The following GFOD2 variants were observed in gnomAD, a reference collection of about 807,000 sequenced individuals.
The protein encoded by GFOD2 is glucose-fructose oxidoreductase domain-containing protein 2.
Under a neutral mutation model 24.6 loss-of-function variants are expected in GFOD2, and 9 were observed. That is an observed-to-expected ratio of 0.37 (90% CI 0.22 to 0.64). GFOD2 has a LOEUF of 0.64. Among genes scored for constraint, GFOD2 ranks in the 30% least tolerant of loss-of-function variants. GFOD2 has a pLI of 0.65. For synonymous variants in GFOD2, 211 were observed against 224.8 expected (o/e 0.94, Z 0.55); for missense variants, 476 against 532.5 (o/e 0.89, Z 1.04).
At chr16:67,696,168 C>T (rs1406324269) in intron 1 of GFOD2, among the ~76,000 whole-genome samples, 1 of 152,018 alleles carries the variant, frequency 6.6e-6, no homozygotes, top group Non-Finnish European at 1.5e-5. Flanking sequence ...AGCCCGCCAC[C>T]ATGCCTGGCT....
chr16:67,714,666 A>G (rs1466563419), intron 1 of GFOD2, among the ~76,000 whole-genome samples: 1 of 152,160 alleles, frequency 6.6e-6, no homozygotes, highest in Non-Finnish European at 1.5e-5. Flanking sequence ...TGAGAAATTG[A>G]GAGCTGACAA....
chr16:67,689,778 C>A (rs2053297496), intron 1 of GFOD2, among the ~76,000 whole-genome samples: 1 of 152,090 alleles, frequency 6.6e-6, no homozygotes. Flanking sequence ...TTTCACCTTG[C>A]AAAACTAAAA....
chr16:67,693,056 A>C (rs1432533986), intron 1 of GFOD2, among the ~76,000 whole-genome samples: 1 of 151,984 alleles, frequency 6.6e-6, no homozygotes, highest in South Asian at 2.1e-4. Context: ...AAAAAAGGAA[A>C]ATGTGGTTCT....
At chr16:67,692,311 G>GTGGCTCA (rs57994244) in intron 1 of GFOD2, among the ~76,000 whole-genome samples, 21,294 of 151,870 alleles carry the variant, frequency 0.14, 1,728 homozygotes, top group African/African-American at 0.22. Flanking sequence ...GCTGAGTGCG[G>GTGGCTCA]TGGCTCACGC....
chr16:67,674,550 T>C lies in GFOD2; in HGVS notation c.*605A>G, dbSNP rs2053168578. 2.0e-5 allele frequency: 3 copies of C among 152,490 alleles called. No individual in the cohort carries two copies. Among genetic ancestry groups the C allele is most frequent in the African/African-American group, 7.2e-5 (3 of 41,590 alleles). 9.4% of individuals were successfully genotyped at this position (152,490 alleles called of 1,614,324 possible). A position where few individuals can be genotyped will look rare whatever the true frequency, so the allele number is the denominator to read the frequency against. On this transcript the variant is annotated 3_prime_UTR_variant, in exon 3 of 3. Transcript: ENST00000268797. ...ATGCCATGTCCTATTTTCTGAATTA[T>C]TTATTAACATTTCTCAGATGTTCTA... is the stretch of plus-strand genomic sequence containing the variant.
chr16:67,682,964 T>C (rs1205761146), intron 2 of GFOD2: 1 of 426,572 alleles, frequency 2.3e-6, no homozygotes, highest in East Asian at 1.6e-4. Context: ...AGAATTTAGA[T>C]TTCTTTTTGT....
chr16:67,713,423 G>A (rs986542738), intron 1 of GFOD2, among the ~76,000 whole-genome samples: 1 of 152,150 alleles, frequency 6.6e-6, no homozygotes, highest in Middle Eastern at 3.4e-3. Context: ...CTGGAGAATC[G>A]CATCAGATCC....
intron 1 of GFOD2, among the ~76,000 whole-genome samples, chr16:67,711,886 G>A (rs1205897826): frequency 6.6e-6 from 1 of 152,046 alleles, no homozygotes; most frequent in Non-Finnish European, 1.5e-5. Context: ...AGACATCCAC[G>A]TGGCTTTCTC....
intron 1 of GFOD2, among the ~76,000 whole-genome samples, chr16:67,702,302 T>C (rs555724486): frequency 1.3e-5 from 2 of 152,070 alleles, no homozygotes; most frequent in South Asian, 4.2e-4. Context: ...TGTGAAACAC[T>C]GTCTCTGCTA....
intron 2 of GFOD2, among the ~76,000 whole-genome samples, chr16:67,679,886 C>CA (rs796132935): frequency 3.1e-3 from 379 of 120,926 alleles, no homozygotes; most frequent in East Asian, 4.8e-3. Context: ...GACTTCGTCT[C>CA]AAAAAAAAAA....
At chr16:67,700,976 G>A (rs1413872713) in intron 1 of GFOD2, among the ~76,000 whole-genome samples, 1 of 149,156 alleles carries the variant, frequency 6.7e-6, no homozygotes, top group African/African-American at 2.5e-5. Context: ...GGCGGAGGTT[G>A]TAGTGAGCCG....
intron 1 of GFOD2, among the ~76,000 whole-genome samples, chr16:67,693,160 C>G (rs921908668): frequency 6.6e-6 from 1 of 152,110 alleles, no homozygotes; most frequent in African/African-American, 2.4e-5. Context: ...AATGGGACAC[C>G]ATCACAAGCT....
At chr16:67,694,661 A>C (rs1200082456) in intron 1 of GFOD2, among the ~76,000 whole-genome samples, 2 of 152,122 alleles carry the variant, frequency 1.3e-5, no homozygotes, top group Non-Finnish European at 2.9e-5. Flanking sequence ...TGTAGACACA[A>C]GTGTACTGGA....
At chr16:67,698,977 TAACTG>T (rs528008872) in intron 1 of GFOD2, among the ~76,000 whole-genome samples, 486 of 152,250 alleles carry the variant, frequency 3.2e-3, no homozygotes, top group African/African-American at 9.6e-3. Context: ...ATAAAATAAA[TAACTG>T]AACTATAGAC....
In GFOD2 at chr16:67,676,052, A is replaced by G. The variant is rs140363708; in HGVS notation, c.261T>C (p.Gly87=). Residue 87 remains glycine, a splice_region_variant and synonymous_variant, in exon 3 of 3, where the codon GGT becomes GGC. Coordinates refer to ENST00000268797, the MANE Select transcript of GFOD2 (RefSeq NM_030819.4). The part of the protein sequence containing the change: ...LTRQISVKAL[G]IGKNVVCEKA... ...TCTCGCAAACCACATTCTTCCCAAT[A>G]CCTAACAACAGGACACAACAGGAAA... 4,090 of 1,600,238 alleles carry G rather than the reference A, an allele frequency of 2.6e-3. 161 individuals are homozygous for G. In the Admixed American group the frequency reaches 0.062, roughly 24 times the overall value.
chr16:67,707,696 ATTT>A (rs1021105149), intron 1 of GFOD2, among the ~76,000 whole-genome samples: 1 of 152,050 alleles, frequency 6.6e-6, no homozygotes, highest in Non-Finnish European at 1.5e-5. Context: ...CTATTAATGA[ATTT>A]TTTTCTTTTT....
intron 1 of GFOD2, among the ~76,000 whole-genome samples, chr16:67,702,039 T>A (rs954234968): frequency 2.6e-5 from 4 of 152,096 alleles, no homozygotes; most frequent in African/African-American, 9.7e-5. Context: ...AGAAATCCAA[T>A]CTGGTAATTG....
At chr16:67,692,099 C>G (rs2053318323) in intron 1 of GFOD2, among the ~76,000 whole-genome samples, 2 of 151,830 alleles carry the variant, frequency 1.3e-5, no homozygotes, top group South Asian at 4.2e-4. Context: ...CACATCATGT[C>G]TGAGGTGCAG....
chr16:67,696,090 T>C (rs2142995661), intron 1 of GFOD2, among the ~76,000 whole-genome samples: 1 of 151,844 alleles, frequency 6.6e-6, no homozygotes, highest in East Asian at 1.9e-4. Context: ...CTCGGCTCAC[T>C]GCAACCTCCA....
Sources: allele counts gnomAD v4.1 joint callset (sites outside exome capture counted in the v4.1 genomes callset), GRCh38; gene constraint gnomAD v4.1.1; transcripts MANE v1.5; gene names NCBI Gene and HGNC (gene_info 2026-07-23, HGNC 2026-07-21).